Variants in RRM2 observed in about 807,000 individuals in gnomAD.
RRM2 encodes the protein ribonucleotide reductase regulatory subunit M2, also known as ribonucleoside-diphosphate reductase subunit M2.
Under a neutral mutation model 45.9 loss-of-function variants are expected in RRM2, and 6 were observed. The observed-to-expected ratio is 0.13, with a 90% CI of 0.07 to 0.26. The LOEUF is 0.26. RRM2 is among the 10% of genes least tolerant of loss of function. The pLI is 1.00. For missense variants in RRM2, 343 were observed against 489.5 expected (o/e 0.70, Z 2.82); for synonymous variants, 177 against 173.0 (o/e 1.02, Z -0.18).
At chr2:10,144,544 C>T (rs1025151667) in intron 3 of RRM2, among the ~76,000 whole-genome samples, 1 of 152,182 alleles carries the variant, frequency 6.6e-6, no homozygotes, top group African/African-American at 2.4e-5. Flanking sequence ...CAGTCCCAAA[C>T]ACATGTGACC....
At chr2:10,153,237 GGAA>G (rs1663353658) in intron 3 of RRM2, among the ~76,000 whole-genome samples, 1 of 152,110 alleles carries the variant, frequency 6.6e-6, no homozygotes, top group Non-Finnish European at 1.5e-5. Context: ...GGGAGGCTGA[GGAA>G]GGAGAATCAC....
Position 10,176,912 on chromosome 2 carries a change from CTTT to C in RRM2, n.483-33398_483-33396del, listed in dbSNP as rs576160444. On this transcript the variant is annotated intron_variant and non_coding_transcript_variant, in intron 3 of 3. Transcript: ENST00000381786. ...GGTCATAGGGTAGGCAATTGTTTCA[CTTT>C]AGTAGATATTAGGTGTAAATTTTGA... is the stretch of plus-strand genomic sequence containing the variant. Among the ~76,000 whole-genome samples the C allele has an allele frequency of 2.5e-4, 38 of 152,218 alleles. No individual in the cohort carries two copies. The East Asian group carries it at 7.1e-3, about 29-fold the overall frequency.
At chr2:10,177,687 CT>C (rs1558398417) in intron 3 of RRM2, among the ~76,000 whole-genome samples, 5 of 150,160 alleles carry the variant, frequency 3.3e-5, no homozygotes, top group African/African-American at 1.0e-4. Flanking sequence ...TCCTTCCTTC[CT>C]TCCTTCCTTC....
intron 3 of RRM2, among the ~76,000 whole-genome samples, chr2:10,191,195 C>A (rs1664298305): frequency 6.6e-6 from 1 of 152,152 alleles, no homozygotes; most frequent in Non-Finnish European, 1.5e-5. Flanking sequence ...GCCTGGAGCC[C>A]CCCAGCTGTG....
chr2:10,193,229 A>G (rs1664347571), intron 3 of RRM2, among the ~76,000 whole-genome samples: 1 of 151,854 alleles, frequency 6.6e-6, no homozygotes. Flanking sequence ...CTTGCCCTTT[A>G]ATGATCATTG....
rs1662883871 is a variant in RRM2, at chr2:10,130,783, C to T, written c.*1397C>T. The T allele has an allele frequency of 6.6e-6, 1 of 152,100 alleles. No individual in the cohort carries two copies. Among genetic ancestry groups the T allele is most frequent in the Non-Finnish European group, 1.5e-5 (1 of 68,044 alleles). 9.4% of individuals were successfully genotyped at this position (152,100 alleles called of 1,614,324 possible). On this transcript the variant is annotated 3_prime_UTR_variant, in exon 10 of 10. Coordinates refer to ENST00000304567, the MANE Select transcript of RRM2 (RefSeq NM_001034.4). ...TAGCTGGGACTGCAGGTATGTGCTACCACACCTGGCTAATTTTTGTATTTT... is the reference window on the plus strand; with the variant it reads ...TAGCTGGGACTGCAGGTATGTGCTATCACACCTGGCTAATTTTTGTATTTT...
intron 3 of RRM2, among the ~76,000 whole-genome samples, chr2:10,167,367 T>C (rs183929369): frequency 3.1e-4 from 47 of 152,342 alleles, no homozygotes; most frequent in African/African-American, 1.1e-3. Flanking sequence ...TTCTCTTGAA[T>C]GCCCTGCTGC....
intron 3 of RRM2, among the ~76,000 whole-genome samples, chr2:10,151,349 G>C (rs1663309155): frequency 6.8e-6 from 1 of 148,122 alleles, no homozygotes; most frequent in African/African-American, 2.5e-5. Flanking sequence ...CCAGACTGGA[G>C]TGCAGTGGTG....
intron 3 of RRM2, among the ~76,000 whole-genome samples, chr2:10,164,327 G>C (rs1361236237): frequency 6.6e-6 from 1 of 152,214 alleles, no homozygotes; most frequent in African/African-American, 2.4e-5. Context: ...TTTGTAAGTA[G>C]AGATCATATC....
At chr2:10,149,869 CA>C (rs1199983041) in intron 3 of RRM2, among the ~76,000 whole-genome samples, 1 of 152,240 alleles carries the variant, frequency 6.6e-6, no homozygotes, top group Non-Finnish European at 1.5e-5. Context: ...TCACAGGCCC[CA>C]CTCCTGCTCA....
At chr2:10,141,773 A>T (rs1288231533) in intron 1 of RRM2, 1 of 1,381,680 alleles carries the variant, frequency 7.2e-7, no homozygotes, top group African/African-American at 3.2e-5. Flanking sequence ...GGAGGTGGCC[A>T]TGGCCTGGGG....
At chr2:10,168,016 G>C (rs1468914053) in intron 3 of RRM2, among the ~76,000 whole-genome samples, 1 of 145,434 alleles carries the variant, frequency 6.9e-6, no homozygotes, top group East Asian at 2.1e-4. Context: ...ATCAACAGTA[G>C]AAAAGACAAA....
chr2:10,201,222 A>G (rs1237187652), intron 3 of RRM2, among the ~76,000 whole-genome samples: 2 of 152,174 alleles, frequency 1.3e-5, no homozygotes, highest in Non-Finnish European at 2.9e-5. Flanking sequence ...CCATACTGCC[A>G]TAATTTAAGG....
exon 4 of RRM2, chr2:10,210,335 C>G (rs1664735835): frequency 7.3e-7 from 1 of 1,367,674 alleles, no homozygotes; most frequent in Non-Finnish European, 9.8e-7. Context: ...AACCAGTTCT[C>G]TCACTGCAGA....
rs1190024263 is a variant in RRM2, at chr2:10,172,180, T to C, written n.482+29805T>C. On this transcript the variant is annotated intron_variant and non_coding_transcript_variant, in intron 3 of 3. Transcript: ENST00000381786. The surrounding 1 kb of genome is among the most constrained non-coding windows in gnomAD (Gnocchi z 4.9). ...GCCCTACATACTAACTAGCCTGCTG[T>C]GTCGCCTTGCAAGGGGTGAGATTTC... is the stretch of plus-strand genomic sequence containing the variant. 1.3e-5 allele frequency among the ~76,000 whole-genome samples: 2 copies of C among 152,174 alleles called. No homozygotes were observed. The highest frequency in any genetic ancestry group is 1.3e-4 in the Admixed American group (2 of 15,282).
rs747585709 is a variant in RRM2 at position 10,129,018 on chromosome 2, A to G, written c.904-23A>G. Reference sequence around the variant, plus strand: ...AAATGCCTGTGCTTTAGTTGTATTCAGAAGCTGTATTTTGGTTCCTAGGAG... The same window carrying G: ...AAATGCCTGTGCTTTAGTTGTATTCGGAAGCTGTATTTTGGTTCCTAGGAG... On this transcript the variant is annotated intron_variant, in intron 8 of 9. Transcript: ENST00000304567. This position sits in a 1 kb window ranked among gnomAD's most constrained non-coding sequence, Gnocchi z 4.8. The G allele has an allele frequency of 2.5e-6, 4 of 1,611,912 alleles. No homozygotes were observed. Among genetic ancestry groups the G allele is most frequent in the Middle Eastern group, 1.6e-4 (1 of 6,062 alleles).
intron 3 of RRM2, among the ~76,000 whole-genome samples, chr2:10,176,834 G>A (rs1663924609): frequency 6.6e-6 from 1 of 152,158 alleles, no homozygotes. Flanking sequence ...ACATTTTCTG[G>A]TGGTCATAGG....
At chr2:10,123,660 GT>G in intron 3 of RRM2, 75 bp from the exon 4 acceptor site, 1 of 1,409,292 alleles carries the variant, frequency 7.1e-7, no homozygotes, top group African/African-American at 1.4e-5. Flanking sequence ...CATACTTAAA[GT>G]TTGAGTGCTC....
intron 3 of RRM2, among the ~76,000 whole-genome samples, chr2:10,148,346 T>G (rs1176097912): frequency 1.3e-5 from 2 of 152,148 alleles, no homozygotes; most frequent in Non-Finnish European, 2.9e-5. Flanking sequence ...TTTCCTATTT[T>G]TCTCTTGATT....
Sources: gnomAD v4.1 joint callset for allele counts (sites outside exome capture counted in the v4.1 genomes callset) on GRCh38, gnomAD v4.1.1 for gene constraint, Gnocchi (gnomAD v3.1) non-coding constraint, MANE v1.5 for transcripts, NCBI Gene and HGNC (gene_info 2026-07-23, HGNC 2026-07-21) for gene names.